SATB2: variants seen among roughly 807,000 people sequenced by gnomAD.
The protein encoded by SATB2 is DNA-binding protein SATB2.
SATB2 carries 1 observed loss-of-function variant against 73.4 expected under a neutral mutation model. The ratio of observed to expected loss-of-function variants is 0.01; its 90% confidence interval spans 0.00 to 0.06. SATB2 has a LOEUF of 0.06. Among genes scored for constraint, SATB2 ranks in the 10% least tolerant of loss-of-function variants. SATB2 has a pLI of 1.00. For synonymous variants in SATB2, 397 were observed against 367.0 expected (o/e 1.08, Z -0.93); for missense variants, 459 against 945.8 (o/e 0.49, Z 6.75).
chr2:199,328,966 G>A, intron 7 of SATB2, 56 bp from the exon 8 acceptor site: 2 of 1,389,608 alleles, frequency 1.4e-6, no homozygotes, highest in South Asian at 2.4e-5. Flanking sequence ...ATATGTGTGT[G>A]GTTTCTGTCT....
chr2:199,449,512 C>T (rs1162961071), intron 2 of SATB2, among the ~76,000 whole-genome samples: 1 of 152,082 alleles, frequency 6.6e-6, no homozygotes. Flanking sequence ...CTTGTTTCTA[C>T]ATAAAAGAAG....
rs1300900080 is a variant in SATB2, at chr2:199,329,242, T to G, written c.1174-332A>C. 12 of 348,100 alleles carry G rather than the reference T, an allele frequency of 3.4e-5. No homozygotes were observed. The East Asian group carries it at 7.8e-4, about 23-fold the overall frequency. 21.6% of individuals were successfully genotyped at this position (348,100 alleles called of 1,614,324 possible). A position where few individuals can be genotyped will look rare whatever the true frequency, so the allele number is the denominator to read the frequency against. ...TGCCTCCTACAAGTATTTCAGGAAC[T>G]GTTAGAACTCTCTCTGCTTGAAACT... is the stretch of plus-strand genomic sequence containing the variant. On this transcript the variant is annotated intron_variant, in intron 7 of 10. Coordinates refer to ENST00000417098, the MANE Select transcript of SATB2 (RefSeq NM_001172509.2).
Position 199,418,268 on chromosome 2 carries a change from G to A in SATB2, c.346+15070C>T, listed in dbSNP as rs946473561. On this transcript the variant is annotated intron_variant, in intron 3 of 10. Transcript: ENST00000417098. Reference sequence around the variant, plus strand: ...GGGGAGCACCAAGATGAAAGGCCCGGCAGTCAGAGTCCACAACGCCTAACC... The same window carrying A: ...GGGGAGCACCAAGATGAAAGGCCCGACAGTCAGAGTCCACAACGCCTAACC... Among the ~76,000 whole-genome samples, 3 of 152,118 alleles carry A rather than the reference G, an allele frequency of 2.0e-5. No homozygotes were observed. The East Asian group carries it at 5.8e-4, about 29-fold the overall frequency.
intron 3 of SATB2, among the ~76,000 whole-genome samples, chr2:199,410,291 T>C (rs1178461166): frequency 6.6e-6 from 1 of 152,212 alleles, no homozygotes; most frequent in Admixed American, 6.5e-5. Context: ...ATTAGTTTAA[T>C]GATATTTGAG....
At chr2:199,354,343 G>A (rs986758571) in intron 6 of SATB2, among the ~76,000 whole-genome samples, 15 of 152,104 alleles carry the variant, frequency 9.9e-5, no homozygotes, top group South Asian at 4.1e-4. Flanking sequence ...GTGACAGAGT[G>A]AGATTCTGTC....
chr2:199,401,304 T>C (rs1314235181), intron 3 of SATB2, among the ~76,000 whole-genome samples: 1 of 152,038 alleles, frequency 6.6e-6, no homozygotes, highest in Non-Finnish European at 1.5e-5. Context: ...TACCAGCACT[T>C]TGGGAGGCCA....
chr2:199,378,500 C>G (rs747601483), intron 5 of SATB2, among the ~76,000 whole-genome samples: 4 of 152,110 alleles, frequency 2.6e-5, no homozygotes, highest in Non-Finnish European at 4.4e-5. Context: ...ACATACATAC[C>G]TACAGGTAGG....
intron 3 of SATB2, among the ~76,000 whole-genome samples, chr2:199,425,985 C>G (rs1691315539): frequency 6.6e-6 from 1 of 152,088 alleles, no homozygotes; most frequent in Non-Finnish European, 1.5e-5. Context: ...TACATTGCGG[C>G]CTATCCAGCT....
intron 2 of SATB2, among the ~76,000 whole-genome samples, chr2:199,452,355 G>A (rs1692148556): frequency 1.3e-5 from 2 of 152,110 alleles, no homozygotes; most frequent in African/African-American, 4.8e-5. Flanking sequence ...CAGCAGTCCA[G>A]GAGAAAAGCA....
At chr2:199,465,311 A>C (rs1430633990), upstream of SATB2, 1 of 152,252 alleles carries the variant, frequency 6.6e-6, no homozygotes, top group African/African-American at 2.4e-5. Context: ...CAACCATTCA[A>C]GTCTCACAAT....
chr2:199,396,282 G>A (rs920732747), intron 3 of SATB2: 1 of 152,124 alleles, frequency 6.6e-6, no homozygotes, highest in Admixed American at 6.5e-5. Context: ...AGAGATGCTT[G>A]ATAGTTCCAT....
chr2:199,375,515 C>G (rs1689574276), intron 5 of SATB2, among the ~76,000 whole-genome samples: 1 of 152,194 alleles, frequency 6.6e-6, no homozygotes, highest in South Asian at 2.1e-4. Context: ...CTTTTATGGA[C>G]TTCTCCATAC....
At chr2:199,302,410 T>C (rs1687311321) in intron 10 of SATB2, among the ~76,000 whole-genome samples, 1 of 152,218 alleles carries the variant, frequency 6.6e-6, no homozygotes, top group Admixed American at 6.5e-5. Flanking sequence ...AAACCAAGGA[T>C]GCTCTTCAAG....
At chr2:199,338,334 C>T (rs989437796) in intron 7 of SATB2, among the ~76,000 whole-genome samples, 1 of 151,594 alleles carries the variant, frequency 6.6e-6, no homozygotes, top group African/African-American at 2.4e-5. Context: ...TGCCACTGCA[C>T]TCCAGCCTGG....
intron 2 of SATB2, among the ~76,000 whole-genome samples, chr2:199,450,692 T>C (rs1574640870): frequency 6.6e-6 from 1 of 152,068 alleles, no homozygotes; most frequent in African/African-American, 2.4e-5. Context: ...AACATGTCTT[T>C]TTAAATATAT....
rs142825652 is a variant in SATB2, at chr2:199,349,012, C to A, written c.862G>T (p.Ala288Ser). Residue 288 changes from alanine (A) to serine (S), a missense_variant, in exon 7 of 11, where the codon GCA (alanine) becomes TCA (serine). By Grantham distance (99) the Ala-to-Ser change is moderately conservative. This residue lies in a region of SATB2 where 77 missense variants were observed against 90.4 expected (regional missense o/e 0.85). Transcript: ENST00000417098. ...CCAGGGCTCATGATGGGCTGTAATG[C>A]GGGCACTTGGTTTCGGATTGGAGTA... ...HSTPIRNQVP[A>S]LQPIMSPGLL... 6 of 1,614,078 alleles carry A rather than the reference C, an allele frequency of 3.7e-6. No homozygotes were observed. The highest frequency in any genetic ancestry group is 5.1e-6 in the Non-Finnish European group (6 of 1,179,984).
chr2:199,304,746 G>A (rs971161938), intron 10 of SATB2, among the ~76,000 whole-genome samples: 8 of 152,108 alleles, frequency 5.3e-5, no homozygotes, highest in African/African-American at 1.9e-4. Flanking sequence ...AGCTTAAATC[G>A]GGGTTTCTGA....
chr2:199,382,714 C>A (rs1263778889), intron 3 of SATB2, among the ~76,000 whole-genome samples: 2 of 152,040 alleles, frequency 1.3e-5, no homozygotes, highest in South Asian at 2.1e-4. Context: ...AATAGAGAAA[C>A]CCATTTCACA....
chr2:199,322,548 A>G (rs982124916), intron 9 of SATB2, among the ~76,000 whole-genome samples: 5 of 152,190 alleles, frequency 3.3e-5, no homozygotes, highest in Admixed American at 6.5e-5. Flanking sequence ...TGAAGAGAGA[A>G]AGTCAGAGTA....
Sources: allele counts gnomAD v4.1 joint callset (sites outside exome capture counted in the v4.1 genomes callset), GRCh38; gene constraint gnomAD v4.1.1; regional missense constraint gnomAD v4.1.1; transcripts MANE v1.5; gene names NCBI Gene and HGNC (gene_info 2026-07-23, HGNC 2026-07-21).